The following RELCH variants were observed in gnomAD, a reference collection of about 807,000 sequenced individuals.
RELCH encodes RAB11 binding and LisH domain, coiled-coil and HEAT repeat containing, also known as RAB11-binding protein RELCH.
RELCH carries 41 observed loss-of-function variants against 150.3 expected under a neutral mutation model. That is an observed-to-expected ratio of 0.27 (90% CI 0.21 to 0.35). The LOEUF (loss-of-function observed/expected upper bound fraction) is 0.35, where lower values mean the gene tolerates loss of function less well. Ranked by LOEUF, RELCH falls within the 10% of genes least tolerant of loss-of-function variation. RELCH has a pLI of 1.00. For missense variants in RELCH, 1,092 were observed against 1,467.8 expected, an observed-to-expected ratio of 0.74 and a Z score of 4.18; for synonymous variants, 478 against 531.8, an observed-to-expected ratio of 0.90 and a Z score of 1.39.
In RELCH at chr18:62,228,440, G is replaced by A. The variant is rs754087465; in HGVS notation, c.1290G>A (p.Lys430=). The A allele has an allele frequency of 6.2e-7, 1 of 1,613,274 alleles. No homozygotes were observed. The highest frequency in any genetic ancestry group is 8.5e-7 in the Non-Finnish European group (1 of 1,179,582). The change falls in exon 8 of 29, where the codon AAG becomes AAA. Residue 430 remains lysine, a synonymous_variant. Coordinates refer to ENST00000644646, the MANE Select transcript of RELCH (RefSeq NM_001346231.2). ...GQHPDVNSSD[K]GKNTDIHLSI... ...ATCCAGATGTAAATAGTTCAGACAAGGGAAAAAACACAGACATCCATCTTT... is the reference window on the plus strand; with the variant it reads ...ATCCAGATGTAAATAGTTCAGACAAAGGAAAAAACACAGACATCCATCTTT...
chr18:62,225,963 C>A (rs759839002), intron 5 of RELCH, among the ~76,000 whole-genome samples: 1 of 151,896 alleles, frequency 6.6e-6, no homozygotes, highest in Admixed American at 6.6e-5. Flanking sequence ...TAATTTGTAA[C>A]AGTGATAGTG....
chr18:62,199,410 T>G (rs991520536), intron 1 of RELCH, among the ~76,000 whole-genome samples: 1 of 152,224 alleles, frequency 6.6e-6, no homozygotes, highest in Admixed American at 6.5e-5. Context: ...AGGTCTTATA[T>G]TGTCCTCTTT....
chr18:62,283,621 A>G (rs1243726953), intron 25 of RELCH, among the ~76,000 whole-genome samples: 1 of 152,238 alleles, frequency 6.6e-6, no homozygotes, highest in Non-Finnish European at 1.5e-5. Context: ...ATCAAACTAT[A>G]GAAACACAGT....
chr18:62,199,990 C>T (rs576595391), intron 1 of RELCH, among the ~76,000 whole-genome samples: 1 of 152,116 alleles, frequency 6.6e-6, no homozygotes, highest in African/African-American at 2.4e-5. Flanking sequence ...TCATCACTAA[C>T]AATAATCATT....
At chr18:62,279,919 A>G in intron 23 of RELCH, 63 bp downstream of exon 23, 1 of 987,254 alleles carries the variant, frequency 1.0e-6, no homozygotes, top group Admixed American at 2.1e-5. Flanking sequence ...TCAAGAAATA[A>G]CCATCAGCTC....
At chr18:62,200,964 C>CTTTTTTTTT (rs543882947) in intron 1 of RELCH, among the ~76,000 whole-genome samples, 8 of 55,000 alleles carry the variant, frequency 1.5e-4, no homozygotes, top group East Asian at 6.8e-4. Context: ...TTTTTCTTTG[C>CTTTTTTTTT]TTTTTTTTTT....
At chr18:62,295,262 A>T (rs1319541796) in intron 27 of RELCH, among the ~76,000 whole-genome samples, 1 of 150,104 alleles carries the variant, frequency 6.7e-6, no homozygotes. Context: ...ATTTATTTAG[A>T]TCTCCTTTCA....
chr18:62,200,964 CTTTTTTTTT>C (rs543882947), intron 1 of RELCH, among the ~76,000 whole-genome samples: 1 of 54,988 alleles, frequency 1.8e-5, no homozygotes, highest in Admixed American at 3.1e-4. Context: ...TTTTTCTTTG[CTTTTTTTTT>C]TTTTTTTTTT....
intron 12 of RELCH, among the ~76,000 whole-genome samples, chr18:62,253,485 T>C (rs1199214122): frequency 1.3e-5 from 2 of 152,154 alleles, no homozygotes; most frequent in African/African-American, 2.4e-5. Flanking sequence ...TCATTGACTT[T>C]CTAGACTTAA....
At chr18:62,273,016 TAACTAACCTG>T (rs1458663986) in intron 20 of RELCH, among the ~76,000 whole-genome samples, 8 of 151,684 alleles carry the variant, frequency 5.3e-5, no homozygotes, top group African/African-American at 1.9e-4. Context: ...ACTTCATTCT[TAACTAACCTG>T]ATTATGTAGC....
chr18:62,239,359 G>A (rs1300281180), intron 10 of RELCH, among the ~76,000 whole-genome samples: 1 of 147,412 alleles, frequency 6.8e-6, no homozygotes, highest in Non-Finnish European at 1.5e-5. Flanking sequence ...GTGAGTCTTT[G>A]TAATGTCTTT....
rs1409109057 is a variant in RELCH, at chr18:62,252,759, A to T, written c.1824+5A>T. On this transcript the variant is annotated splice_donor_5th_base_variant and intron_variant, in intron 12 of 28. Transcript: ENST00000644646. Reference sequence around the variant, plus strand: ...TTACCACAGTGTTGGGAACAGGTAAATAACTGTATTGAGTTTTCACCTAGC... The same window carrying T: ...TTACCACAGTGTTGGGAACAGGTAATTAACTGTATTGAGTTTTCACCTAGC... 1 of 1,607,520 alleles carries T rather than the reference A, an allele frequency of 6.2e-7. No individual in the cohort carries two copies. Among genetic ancestry groups the T allele is most frequent in the Non-Finnish European group, 8.5e-7 (1 of 1,174,224 alleles).
At chr18:62,257,905 G>A (rs1363351234) in intron 13 of RELCH, 43 bp from the exon 14 acceptor site, 2 of 1,453,196 alleles carry the variant, frequency 1.4e-6, no homozygotes. Flanking sequence ...CTATACTTCT[G>A]TGCTTAGGTG....
intron 8 of RELCH, among the ~76,000 whole-genome samples, chr18:62,230,813 T>A (rs573306852): frequency 6.6e-6 from 1 of 152,194 alleles, no homozygotes. Context: ...CTTTATCCAC[T>A]TTACCTTTGT....
rs770815767 is a variant in RELCH at position 62,274,005 on chromosome 18, G to A, written c.2786G>A (p.Gly929Glu). The A allele has an allele frequency of 4.3e-6, 7 of 1,612,474 alleles. No individual in the cohort carries two copies. Among genetic ancestry groups the A allele is most frequent in the Non-Finnish European group, 5.9e-6 (7 of 1,178,906 alleles). ...GAAGAAGACCGAAAACTGTTAGTTG[G>A]ATTCTTAGAAGATGTAATGACGCTG... ...IQEEDRKLLV[G>E]FLEDVMTLLS... Residue 929 changes from glycine to glutamate, a missense_variant, in exon 21 of 29, where the codon GGA (glycine) becomes GAA (glutamate). Transcript: ENST00000644646.
chr18:62,302,669 C>G lies in RELCH; in HGVS notation c.3531-2745C>G, dbSNP rs192963538. Among the ~76,000 whole-genome samples the G allele has an allele frequency of 1.8e-4, 27 of 152,076 alleles. No individual in the cohort carries two copies. In the East Asian group the frequency reaches 5.0e-3, roughly 28 times the overall value. Reference sequence around the variant, plus strand: ...CCTCCCGAGTAGCTGGGATTACAGGCGTGCACCATCATGCCCAGCTAATTA... The same window carrying G: ...CCTCCCGAGTAGCTGGGATTACAGGGGTGCACCATCATGCCCAGCTAATTA... On this transcript the variant is annotated intron_variant, in intron 28 of 28. Coordinates refer to ENST00000644646, the MANE Select transcript of RELCH (RefSeq NM_001346231.2).
intron 22 of RELCH, among the ~76,000 whole-genome samples, chr18:62,276,267 A>G (rs2044203275): frequency 6.6e-6 from 1 of 152,118 alleles, no homozygotes; most frequent in Non-Finnish European, 1.5e-5. Flanking sequence ...TTACTTGGAC[A>G]AGGTTGAGCC....
chr18:62,213,459 T>C (rs1599855671), intron 2 of RELCH, among the ~76,000 whole-genome samples: 1 of 152,082 alleles, frequency 6.6e-6, no homozygotes, highest in South Asian at 2.1e-4. Flanking sequence ...GGCCGGGCGC[T>C]GTGGCTCACG....
At chr18:62,300,268 CG>C (rs1040288307) in intron 28 of RELCH, 19 of 152,154 alleles carry the variant, frequency 1.2e-4, no homozygotes, top group African/African-American at 4.6e-4. Context: ...ATCAGATTCA[CG>C]GCAAGCTTCT....
Sources: allele counts gnomAD v4.1 joint callset (sites outside exome capture counted in the v4.1 genomes callset), GRCh38; gene constraint gnomAD v4.1.1; transcripts MANE v1.5; gene names NCBI Gene and HGNC (gene_info 2026-07-23, HGNC 2026-07-21).